The following PDE10A variants were observed in gnomAD, a reference collection of about 807,000 sequenced individuals.
PDE10A encodes the protein cAMP and cAMP-inhibited cGMP 3',5'-cyclic phosphodiesterase 10A.
In PDE10A, 39 loss-of-function variants were observed where a neutral mutation model predicts 97.7. That is an observed-to-expected ratio of 0.40 (90% CI 0.31 to 0.52). PDE10A has a LOEUF of 0.52. Ranked by LOEUF, PDE10A falls within the 20% of genes least tolerant of loss-of-function variation. The pLI, the probability that PDE10A is intolerant of heterozygous loss-of-function variation, is 0.56. For missense variants in PDE10A, 731 were observed against 1,047.8 expected (o/e 0.70, Z 4.17); for synonymous variants, 371 against 376.8 (o/e 0.98, Z 0.18).
In PDE10A at chr6:165,753,723, T is replaced by G. The variant is rs559556905; in HGVS notation, c.-614-210155A>C. 9.8e-5 allele frequency among the ~76,000 whole-genome samples: 15 copies of G among 152,330 alleles called. No individual in the cohort carries two copies. In the South Asian group the frequency reaches 2.7e-3, roughly 27 times the overall value. ...CATCCTTTAAGTGACACAACTTCAT[T>G]TAATTCACAGAAGTAAAGAATTCCT... On this transcript the variant is annotated intron_variant, in intron 1 of 19. Coordinates refer to the PDE10A transcript ENST00000366882.
At chr6:165,345,098 A>G (rs2128182264) in intron 18 of PDE10A, among the ~76,000 whole-genome samples, 1 of 152,350 alleles carries the variant, frequency 6.6e-6, no homozygotes, top group South Asian at 2.1e-4. Flanking sequence ...CAAATATTTC[A>G]TATGTTTAAA....
At chr6:165,591,218 A>G (rs1474446212) in intron 1 of PDE10A, among the ~76,000 whole-genome samples, 1 of 152,252 alleles carries the variant, frequency 6.6e-6, no homozygotes, top group Non-Finnish European at 1.5e-5. Context: ...AGCCGTATCT[A>G]TAAGTCCTAA....
At chr6:165,885,678 T>C (rs1157133428) in intron 1 of PDE10A, among the ~76,000 whole-genome samples, 3 of 152,242 alleles carry the variant, frequency 2.0e-5, no homozygotes, top group African/African-American at 2.4e-5. Context: ...AGGGAAGGCC[T>C]GGTTGTCTAA....
At chr6:165,720,042 G>A (rs1792126694) in intron 1 of PDE10A, among the ~76,000 whole-genome samples, 1 of 152,188 alleles carries the variant, frequency 6.6e-6, no homozygotes, top group Non-Finnish European at 1.5e-5. Context: ...TCCGTAACAG[G>A]CGCTCAATAG....
intron 18 of PDE10A, among the ~76,000 whole-genome samples, chr6:165,370,869 A>C (rs1438966253): frequency 1.3e-5 from 2 of 150,008 alleles, no homozygotes; most frequent in Non-Finnish European, 3.0e-5. Context: ...CAGAAATTAT[A>C]ACAAACTGTC....
At chr6:165,678,931 C>G (rs1258174558) in intron 1 of PDE10A, among the ~76,000 whole-genome samples, 1 of 152,118 alleles carries the variant, frequency 6.6e-6, no homozygotes, top group Non-Finnish European at 1.5e-5. Context: ...TCTTCCGATT[C>G]GTGTATGTTA....
At chr6:165,336,755 C>CAAAA (rs776243789) in intron 20 of PDE10A, among the ~76,000 whole-genome samples, 23 of 50,446 alleles carry the variant, frequency 4.6e-4, no homozygotes, top group African/African-American at 1.2e-3. Context: ...GACTCCGTCT[C>CAAAA]AAAAAAAAAA....
At chr6:165,816,638 T>C (rs1484796104) in intron 1 of PDE10A, among the ~76,000 whole-genome samples, 4 of 152,250 alleles carry the variant, frequency 2.6e-5, no homozygotes, top group Non-Finnish European at 5.9e-5. Context: ...TATTAAGCAC[T>C]GCATTAAGTG....
chr6:165,645,385 T>C (rs1789342927), intron 1 of PDE10A, among the ~76,000 whole-genome samples: 1 of 152,136 alleles, frequency 6.6e-6, no homozygotes, highest in South Asian at 2.1e-4. Context: ...TCAGGCTCTG[T>C]GGGCAAGGAA....
intron 2 of PDE10A, among the ~76,000 whole-genome samples, chr6:165,539,676 C>G (rs1006004592): frequency 1.1e-4 from 16 of 152,202 alleles, no homozygotes; most frequent in Admixed American, 9.8e-4. Flanking sequence ...AAGCCCAGCG[C>G]TCCGGGAGGC....
intron 1 of PDE10A, among the ~76,000 whole-genome samples, chr6:165,936,591 A>G (rs576848617): frequency 2.8e-4 from 42 of 152,312 alleles, no homozygotes; most frequent in African/African-American, 9.6e-4. Flanking sequence ...GGGAGCTGCC[A>G]GGCAGGGTGG....
At chr6:165,972,914 G>A (rs1468034683) in intron 1 of PDE10A, among the ~76,000 whole-genome samples, 1 of 151,986 alleles carries the variant, frequency 6.6e-6, no homozygotes, top group Non-Finnish European at 1.5e-5. Flanking sequence ...ACAAGTCCCT[G>A]TACAACACCA....
chr6:165,420,933 A>G (rs1788649413), intron 10 of PDE10A, among the ~76,000 whole-genome samples: 1 of 152,216 alleles, frequency 6.6e-6, no homozygotes, highest in East Asian at 1.9e-4. Flanking sequence ...AAGAAACTAT[A>G]AAAAAGAAAA....
At chr6:165,672,651 C>T (rs1241252960) in intron 1 of PDE10A, among the ~76,000 whole-genome samples, 1 of 152,224 alleles carries the variant, frequency 6.6e-6, no homozygotes, top group African/African-American at 2.4e-5. Flanking sequence ...AACCCCTTTG[C>T]TTGGCTCTCA....
intron 1 of PDE10A, among the ~76,000 whole-genome samples, chr6:165,835,279 TCA>T (rs1780035981): frequency 6.6e-6 from 1 of 152,262 alleles, no homozygotes; most frequent in Admixed American, 6.5e-5. Flanking sequence ...TGCTCCTGCC[TCA>T]CTTTCTCACT....
rs1789927924 is a variant in PDE10A at position 165,655,873 on chromosome 6, C to T, written c.865+6074G>A. ...CTCCAGCACGGCCGTCACCCCGCTC[C>T]TCTGCCTTGTGAGCCCCCTCTGCCT... On this transcript the variant is annotated intron_variant, in intron 1 of 21. Transcript: ENST00000539869. The surrounding 1 kb of genome is among the most constrained non-coding windows in gnomAD (Gnocchi z 4.5). 6.6e-6 allele frequency among the ~76,000 whole-genome samples: 1 copy of T among 152,058 alleles called. No individual in the cohort carries two copies. Among genetic ancestry groups the T allele is most frequent in the African/African-American group, 2.4e-5 (1 of 41,416 alleles).
Position 165,715,381 on chromosome 6 carries a change from G to A in PDE10A, c.-614-171813C>T, listed in dbSNP as rs140242047. Among the ~76,000 whole-genome samples, 35 of 152,344 alleles carry A rather than the reference G, an allele frequency of 2.3e-4. 1 individual carries two copies. In the East Asian group the frequency reaches 6.8e-3, roughly 29 times the overall value. On this transcript the variant is annotated intron_variant, in intron 1 of 19. Transcript: ENST00000366882. ...ACTCAAAAATCAGCCAACAGAAGTG[G>A]TGTGTGCGTCAGCTGAGCATTATAT...
At chr6:165,639,885 T>A (rs9356380) in intron 1 of PDE10A, among the ~76,000 whole-genome samples, 1 of 151,688 alleles carries the variant, frequency 6.6e-6, no homozygotes, top group South Asian at 2.1e-4. Context: ...CTGGGCAACA[T>A]AGGGAGACCT....
chr6:165,365,864 A>C (rs1783738837), intron 18 of PDE10A, among the ~76,000 whole-genome samples: 1 of 152,238 alleles, frequency 6.6e-6, no homozygotes, highest in Non-Finnish European at 1.5e-5. Context: ...AAAGATCAAT[A>C]GCTTCTAGCA....
Sources: gnomAD v4.1 joint callset for allele counts (sites outside exome capture counted in the v4.1 genomes callset) on GRCh38, gnomAD v4.1.1 for gene constraint, Gnocchi (gnomAD v3.1) non-coding constraint, MANE v1.5 for transcripts, NCBI Gene and HGNC (gene_info 2026-07-23, HGNC 2026-07-21) for gene names.